KIAA1328: variants seen among roughly 807,000 people sequenced by gnomAD.
The protein encoded by KIAA1328 is KIAA1328.
KIAA1328 carries 52 observed loss-of-function variants against 68.1 expected under a neutral mutation model. That is an observed-to-expected ratio of 0.76 (90% confidence interval 0.61 to 0.96). The LOEUF is 0.96. Ranked by LOEUF, KIAA1328 falls within the 40% of genes least tolerant of loss-of-function variation. The probability of loss-of-function intolerance (pLI) is 0.00; values close to 1 mark genes in which losing one functional copy is unlikely to be tolerated. For missense variants in KIAA1328, 641 were observed against 677.6 expected (o/e 0.95, Z 0.60); for synonymous variants, 232 against 239.4 (o/e 0.97, Z 0.28).
intron 8 of KIAA1328, among the ~76,000 whole-genome samples, chr18:37,167,186 A>T (rs1179243059): frequency 6.6e-6 from 1 of 152,152 alleles, no homozygotes; most frequent in Non-Finnish European, 1.5e-5. Flanking sequence ...GGCTCTGACC[A>T]CATGGCAGTG....
At chr18:36,912,778 A>T (rs551553351) in intron 5 of KIAA1328, among the ~76,000 whole-genome samples, 20 of 152,220 alleles carry the variant, frequency 1.3e-4, no homozygotes, top group Non-Finnish European at 2.8e-4. Context: ...CATCTAGATT[A>T]GGCATGGGTG....
chr18:37,229,441 A>C, downstream of KIAA1328: 1 of 568,464 alleles, frequency 1.8e-6, no homozygotes, highest in African/African-American at 2.0e-5. Context: ...GATTTTTTGC[A>C]CCAATAATGA....
intron 6 of KIAA1328, among the ~76,000 whole-genome samples, chr18:36,975,658 A>T (rs1270040801): frequency 6.6e-6 from 1 of 152,168 alleles, no homozygotes; most frequent in Non-Finnish European, 1.5e-5. Context: ...CTCATAAGTT[A>T]ACTTCCTTCA....
At chr18:37,074,047 G>A (rs530173511) in intron 7 of KIAA1328, among the ~76,000 whole-genome samples, 16 of 152,212 alleles carry the variant, frequency 1.1e-4, no homozygotes, top group African/African-American at 2.2e-4. Context: ...GAAAATGGAC[G>A]TCTAGCCTCC....
chr18:37,121,370 G>C (rs978534316), intron 7 of KIAA1328, among the ~76,000 whole-genome samples: 7 of 152,126 alleles, frequency 4.6e-5, no homozygotes, highest in African/African-American at 1.7e-4. Flanking sequence ...ATAATGTAAT[G>C]TCAACCTGAC....
intron 6 of KIAA1328, among the ~76,000 whole-genome samples, chr18:37,038,812 T>G (rs1164039410): frequency 6.6e-6 from 1 of 152,210 alleles, no homozygotes; most frequent in East Asian, 1.9e-4. Flanking sequence ...CTTTTACCAT[T>G]TCACTATTAA....
At chr18:37,203,959 G>A (rs370941498) in intron 9 of KIAA1328, among the ~76,000 whole-genome samples, 2 of 152,070 alleles carry the variant, frequency 1.3e-5, no homozygotes, top group South Asian at 2.1e-4. Flanking sequence ...ACAGGCGCCC[G>A]CCACCACACG....
intron 6 of KIAA1328, among the ~76,000 whole-genome samples, chr18:37,016,774 C>T (rs1379866008): frequency 6.6e-6 from 1 of 152,106 alleles, no homozygotes; most frequent in Non-Finnish European, 1.5e-5. Flanking sequence ...ACAGTAGTGT[C>T]TGAGGATCTT....
chr18:36,903,073 G>A (rs940765443), intron 5 of KIAA1328, among the ~76,000 whole-genome samples: 2 of 151,826 alleles, frequency 1.3e-5, no homozygotes, highest in Non-Finnish European at 2.9e-5. Context: ...ATTTTAACCT[G>A]TGTTTTCCTG....
intron 7 of KIAA1328, among the ~76,000 whole-genome samples, chr18:37,125,442 TAAAA>T (rs528296812): frequency 2.6e-5 from 4 of 152,042 alleles, no homozygotes; most frequent in Non-Finnish European, 4.4e-5. Context: ...AATTCTACCT[TAAAA>T]AAACCAGAAA....
At chr18:37,198,647 A>G (rs1342148311) in intron 9 of KIAA1328, among the ~76,000 whole-genome samples, 1 of 152,248 alleles carries the variant, frequency 6.6e-6, no homozygotes, top group Non-Finnish European at 1.5e-5. Context: ...CCTAAGAAGC[A>G]CAAAGAAAGT....
At chr18:36,933,315 T>C (rs1016125953) in intron 5 of KIAA1328, among the ~76,000 whole-genome samples, 6 of 152,182 alleles carry the variant, frequency 3.9e-5, no homozygotes, top group Non-Finnish European at 8.8e-5. Flanking sequence ...GAGAGAGAGA[T>C]AACCCCCTCA....
At chr18:37,170,911 G>A (rs1441614087) in intron 8 of KIAA1328, among the ~76,000 whole-genome samples, 1 of 152,144 alleles carries the variant, frequency 6.6e-6, no homozygotes, top group Non-Finnish European at 1.5e-5. Flanking sequence ...GCTAGGACCA[G>A]ACTAAGGCCG....
At chr18:37,220,889 C>T (rs183313975) in intron 9 of KIAA1328, among the ~76,000 whole-genome samples, 14 of 152,318 alleles carry the variant, frequency 9.2e-5, no homozygotes, top group Admixed American at 7.8e-4. Context: ...TGCAGTGGCA[C>T]GATCTCAGCT....
chr18:37,064,526 G>T, intron 6 of KIAA1328, among the ~76,000 whole-genome samples: 1 of 142,708 alleles, frequency 7.0e-6, no homozygotes, highest in African/African-American at 2.7e-5. Context: ...AGGCATGGTA[G>T]ACTGAAAGTA....
intron 6 of KIAA1328, among the ~76,000 whole-genome samples, chr18:37,064,715 G>A (rs537133570): frequency 3.5e-4 from 54 of 152,264 alleles, no homozygotes; most frequent in Non-Finnish European, 6.6e-4. Context: ...AGGAGCAGAA[G>A]GAGTCAGAGG....
intron 7 of KIAA1328, among the ~76,000 whole-genome samples, chr18:37,101,388 G>T (rs1223652479): frequency 6.6e-6 from 1 of 152,208 alleles, no homozygotes; most frequent in Non-Finnish European, 1.5e-5. Flanking sequence ...CTCAGTAGCC[G>T]ATTCGATCAA....
At chr18:36,867,030 T>A (rs900781663) in intron 4 of KIAA1328, among the ~76,000 whole-genome samples, 3 of 152,190 alleles carry the variant, frequency 2.0e-5, no homozygotes, top group Non-Finnish European at 2.9e-5. Context: ...CAACACAACA[T>A]ATAAAACAAA....
At chr18:37,015,879 A>C (rs1299208580) in intron 6 of KIAA1328, among the ~76,000 whole-genome samples, 1 of 152,192 alleles carries the variant, frequency 6.6e-6, no homozygotes, top group African/African-American at 2.4e-5. Flanking sequence ...GAAGTCATTT[A>C]TCAGTTCCAG....
Sources: allele counts gnomAD v4.1 joint callset (sites outside exome capture counted in the v4.1 genomes callset), GRCh38; gene constraint gnomAD v4.1.1; transcripts MANE v1.5; gene names NCBI Gene and HGNC (gene_info 2026-07-23, HGNC 2026-07-21).